FTO: variants seen among roughly 807,000 people sequenced by gnomAD.
FTO encodes alpha-ketoglutarate-dependent dioxygenase FTO.
In FTO, 47 loss-of-function variants were observed where a neutral mutation model predicts 63.9. The ratio of observed to expected loss-of-function variants is 0.74; its 90% CI spans 0.58 to 0.94. FTO has a LOEUF of 0.94. Among genes scored for constraint, FTO ranks in the 40% least tolerant of loss-of-function variants. The pLI, the probability that FTO is intolerant of heterozygous loss-of-function variation, is 0.00. For missense variants in FTO, 562 were observed against 618.1 expected (o/e 0.91, Z 0.96); for synonymous variants, 207 against 224.4 (o/e 0.92, Z 0.69).
chr16:53,979,443 T>C (rs773093698), intron 8 of FTO: 6 of 398,474 alleles, frequency 1.5e-5, no homozygotes, highest in Non-Finnish European at 2.7e-5. Flanking sequence ...CATGGAATAT[T>C]ACAGTTTGAA....
At chr16:53,758,517 T>A (rs1406905469) in intron 1 of FTO, among the ~76,000 whole-genome samples, 1 of 152,194 alleles carries the variant, frequency 6.6e-6, no homozygotes, top group East Asian at 1.9e-4. Context: ...TTTGGAGATA[T>A]CTTAAAAGAC....
rs1223959029 is a variant in FTO at position 53,805,480 on chromosome 16, T to A, written c.46-4660T>A. Among the ~76,000 whole-genome samples the A allele has an allele frequency of 4.7e-5, 7 of 149,442 alleles. No homozygotes were observed. In the East Asian group the frequency reaches 1.4e-3, roughly 29 times the overall value. On this transcript the variant is annotated intron_variant, in intron 1 of 8. Coordinates refer to ENST00000471389, the MANE Select transcript of FTO (RefSeq NM_001080432.3). Reference sequence around the variant, plus strand: ...TTTTTTTTTGAGACAGAGAGTCTTATTCTGTCACACAGGCTGGAGTGCAGT... The same window carrying A: ...TTTTTTTTTGAGACAGAGAGTCTTAATCTGTCACACAGGCTGGAGTGCAGT...
Position 54,078,236 on chromosome 16 carries a change from C to T in FTO, c.1365-33526C>T. 1.3e-5 allele frequency among the ~76,000 whole-genome samples: 2 copies of T among 150,692 alleles called. 1 individual carries two copies. Among genetic ancestry groups the T allele is most frequent in the South Asian group, 4.2e-4 (2 of 4,764 alleles). ...GTATATGTAAACTTATATACAAATA[C>T]ACATATATGTATATGTAAACTTATA... On this transcript the variant is annotated intron_variant, in intron 8 of 8. Transcript: ENST00000471389.
intron 7 of FTO, among the ~76,000 whole-genome samples, chr16:53,931,378 C>T (rs2082280044): frequency 6.8e-6 from 1 of 147,166 alleles, no homozygotes; most frequent in Admixed American, 6.9e-5. Context: ...GCGATCTTGG[C>T]TCACTGCAAC....
At chr16:54,055,208 G>T (rs1467090762) in intron 8 of FTO, among the ~76,000 whole-genome samples, 1 of 152,174 alleles carries the variant, frequency 6.6e-6, no homozygotes, top group Non-Finnish European at 1.5e-5. Flanking sequence ...GTTCAGTCTT[G>T]CTCTGTTTGG....
At chr16:54,021,362 T>C (rs1369304494) in intron 8 of FTO, among the ~76,000 whole-genome samples, 7 of 152,214 alleles carry the variant, frequency 4.6e-5, no homozygotes, top group African/African-American at 2.4e-5. Context: ...TACAATTGTC[T>C]TAACTTACTC....
intron 8 of FTO, among the ~76,000 whole-genome samples, chr16:54,082,439 C>G (rs529321926): frequency 1.3e-5 from 2 of 152,180 alleles, no homozygotes; most frequent in South Asian, 4.1e-4. Flanking sequence ...GGTGTCCAGT[C>G]CAGAAATCTG....
intron 8 of FTO, among the ~76,000 whole-genome samples, chr16:53,955,250 T>C (rs187252158): frequency 3.9e-5 from 6 of 152,332 alleles, no homozygotes; most frequent in Admixed American, 3.9e-4. Flanking sequence ...ACAGTGTCCC[T>C]GGAACTGGGT....
At chr16:53,747,309 ACAGATTG>A (rs2151558369) in intron 1 of FTO, among the ~76,000 whole-genome samples, 1 of 152,230 alleles carries the variant, frequency 6.6e-6, no homozygotes, top group African/African-American at 2.4e-5. Context: ...ATTCCCACCA[ACAGATTG>A]CAGGGGTTCC....
chr16:53,894,607 G>T (rs1278922336), intron 7 of FTO, among the ~76,000 whole-genome samples: 6 of 148,178 alleles, frequency 4.0e-5, no homozygotes, highest in Admixed American at 2.8e-4. Context: ...TTTTTTGTTT[G>T]CATTAATGGG....
At chr16:53,873,915 T>G (rs760925988) in intron 5 of FTO, 50 bp downstream of exon 5, 1 of 1,364,834 alleles carries the variant, frequency 7.3e-7, no homozygotes, top group Non-Finnish European at 1.0e-6. Context: ...GTGACAGAAG[T>G]GGTTGAATGA....
intron 1 of FTO, among the ~76,000 whole-genome samples, chr16:53,801,098 T>C (rs1190572454): frequency 1.3e-5 from 2 of 152,152 alleles, no homozygotes; most frequent in Non-Finnish European, 1.5e-5. Context: ...TTTACAGTTA[T>C]TGTGATTGTT....
intron 8 of FTO, among the ~76,000 whole-genome samples, chr16:54,007,890 A>G (rs558411021): frequency 1.3e-5 from 2 of 152,380 alleles, no homozygotes; most frequent in African/African-American, 2.4e-5. Flanking sequence ...ATTGGCCACC[A>G]GTGAATGACC....
intron 1 of FTO, among the ~76,000 whole-genome samples, chr16:53,710,266 C>CTT (rs564940054): frequency 2.2e-4 from 29 of 132,852 alleles, no homozygotes; most frequent in Admixed American, 3.8e-4. Flanking sequence ...CAGATTTTGC[C>CTT]TTTTTTTTTT....
intron 2 of FTO, among the ~76,000 whole-genome samples, chr16:53,817,003 C>T (rs780378080): frequency 1.3e-5 from 2 of 152,192 alleles, no homozygotes; most frequent in Non-Finnish European, 2.9e-5. Context: ...GCAGTATACT[C>T]ACACTTCTAT....
chr16:54,053,684 G>A (rs549753324), intron 8 of FTO, among the ~76,000 whole-genome samples: 3 of 152,288 alleles, frequency 2.0e-5, no homozygotes, highest in South Asian at 2.1e-4. Flanking sequence ...GAAGTTACAC[G>A]TGTAACTGAG....
intron 8 of FTO, among the ~76,000 whole-genome samples, chr16:54,041,940 T>G (rs2085086875): frequency 6.6e-6 from 1 of 152,208 alleles, no homozygotes; most frequent in Non-Finnish European, 1.5e-5. Flanking sequence ...GTCCTGCGGA[T>G]GGCTGTTCCT....
chr16:53,895,974 C>A (rs2081269569), intron 7 of FTO, among the ~76,000 whole-genome samples: 1 of 152,044 alleles, frequency 6.6e-6, no homozygotes, highest in Admixed American at 6.6e-5. Flanking sequence ...ATTTTGACAA[C>A]CTTCGTTAAA....
intron 1 of FTO, among the ~76,000 whole-genome samples, chr16:53,746,262 C>T (rs74018199): frequency 5.9e-5 from 9 of 152,180 alleles, no homozygotes; most frequent in African/African-American, 2.2e-4. Context: ...CTTTCCCTTT[C>T]CCTGCCACAG....
Sources: allele counts gnomAD v4.1 joint callset (sites outside exome capture counted in the v4.1 genomes callset), GRCh38; gene constraint gnomAD v4.1.1; transcripts MANE v1.5; gene names NCBI Gene and HGNC (gene_info 2026-07-23, HGNC 2026-07-21).